Variants in SNX24 observed in about 807,000 individuals in gnomAD.
SNX24 encodes the protein sorting nexin 24.
A neutral mutation model predicts 28.7 loss-of-function variants in SNX24; 22 were observed. The observed-to-expected ratio is 0.77, with a 90% CI of 0.55 to 1.10. SNX24 has a LOEUF of 1.10. SNX24 is among the 50% of genes least tolerant of loss of function. The pLI is 0.00. For missense variants in SNX24, 221 were observed against 201.1 expected (o/e 1.10, Z -0.60); for synonymous variants, 69 against 71.5 (o/e 0.96, Z 0.18).
intron 6 of SNX24, chr5:123,002,276 A>G: frequency 2.0e-6 from 1 of 491,196 alleles, no homozygotes; most frequent in Non-Finnish European, 3.6e-6. Context: ...TTTTCTGATC[A>G]TGTCATTTTG....
chr5:123,023,758 A>G, intron 5 of SNX24: 1 of 1,400,358 alleles, frequency 7.1e-7, no homozygotes, highest in Non-Finnish European at 9.4e-7. Context: ...CTGGGATAGA[A>G]TACAAAAAGA....
intron 3 of SNX24, among the ~76,000 whole-genome samples, chr5:122,955,109 C>G (rs181532957): frequency 5.9e-5 from 9 of 151,336 alleles, no homozygotes; most frequent in Non-Finnish European, 1.2e-4. Flanking sequence ...TTCTATTGTT[C>G]TATCTCCCAG....
intron 3 of SNX24, among the ~76,000 whole-genome samples, chr5:122,974,372 A>T (rs531967949): frequency 6.6e-6 from 1 of 152,216 alleles, no homozygotes; most frequent in African/African-American, 2.4e-5. Flanking sequence ...TGGAAGGGAA[A>T]ATGGATCAAA....
At chr5:122,988,637 G>A (rs1761703133) in intron 3 of SNX24, among the ~76,000 whole-genome samples, 1 of 152,116 alleles carries the variant, frequency 6.6e-6, no homozygotes, top group South Asian at 2.1e-4. Flanking sequence ...CTTTTGTAAA[G>A]TAAGTTTAAC....
intron 3 of SNX24, among the ~76,000 whole-genome samples, chr5:122,977,649 C>G (rs1581823923): frequency 6.6e-6 from 1 of 152,168 alleles, no homozygotes; most frequent in South Asian, 2.1e-4. Flanking sequence ...CTGGTTGACT[C>G]AAAGCTACTG....
chr5:122,864,973 A>G (rs1755652486), intron 1 of SNX24, among the ~76,000 whole-genome samples: 1 of 152,260 alleles, frequency 6.6e-6, no homozygotes, highest in Non-Finnish European at 1.5e-5. Flanking sequence ...GCCTGCACTC[A>G]GGAATGAACA....
intron 1 of SNX24, among the ~76,000 whole-genome samples, chr5:122,890,446 A>G (rs1756919399): frequency 6.7e-6 from 1 of 149,312 alleles, no homozygotes; most frequent in South Asian, 2.1e-4. Flanking sequence ...CTTCTCTGTA[A>G]GGAAAAGATT....
chr5:122,958,567 T>C (rs1363431778), intron 3 of SNX24, among the ~76,000 whole-genome samples: 1 of 152,158 alleles, frequency 6.6e-6, no homozygotes, highest in Non-Finnish European at 1.5e-5. Flanking sequence ...CCAAGAGTTT[T>C]TTTTTCACAT....
chr5:123,016,419 A>C (rs1340567130), intron 5 of SNX24, among the ~76,000 whole-genome samples: 1 of 152,196 alleles, frequency 6.6e-6, no homozygotes, highest in Non-Finnish European at 1.5e-5. Context: ...TCCTGAAGGA[A>C]AGCCAGTGAG....
At chr5:122,927,473 C>T (rs1290810122) in intron 1 of SNX24, among the ~76,000 whole-genome samples, 1 of 152,134 alleles carries the variant, frequency 6.6e-6, no homozygotes, top group Non-Finnish European at 1.5e-5. Context: ...TTTGGGGACA[C>T]AATTCATTTA....
intron 3 of SNX24, among the ~76,000 whole-genome samples, chr5:122,952,640 A>G (rs1265350994): frequency 2.0e-5 from 3 of 152,236 alleles, no homozygotes; most frequent in South Asian, 2.1e-4. Context: ...AAAGACCAAG[A>G]TGAACTAAAA....
chr5:122,954,814 A>T (rs30073), intron 3 of SNX24, among the ~76,000 whole-genome samples: 116,924 of 151,940 alleles, frequency 0.77, 45,855 homozygotes, highest in East Asian at 0.99. Flanking sequence ...TCTTGTCTTT[A>T]GTTTTCAGAA....
intron 1 of SNX24, among the ~76,000 whole-genome samples, chr5:122,925,401 A>G (rs1758652108): frequency 1.3e-5 from 2 of 150,698 alleles, no homozygotes; most frequent in Non-Finnish European, 1.5e-5. Flanking sequence ...GCTGGATCTC[A>G]GGCACGTGCC....
intron 1 of SNX24, among the ~76,000 whole-genome samples, chr5:122,913,478 T>G (rs246299): frequency 0.77 from 116,485 of 151,488 alleles, 45,644 homozygotes; most frequent in East Asian, 0.98. Context: ...GGTGGCTGCC[T>G]GGCGTAGACG....
chr5:122,917,262 AAAAAAAAAGAAAG>A (rs1045096212), intron 1 of SNX24, among the ~76,000 whole-genome samples: 1 of 151,868 alleles, frequency 6.6e-6, no homozygotes, highest in African/African-American at 2.4e-5. Context: ...TCTCAAAAAA[AAAAAAAAAGAAAG>A]AAAAAAAAGA....
At chr5:122,982,533 A>T (rs1241147871) in intron 3 of SNX24, among the ~76,000 whole-genome samples, 3 of 152,256 alleles carry the variant, frequency 2.0e-5, no homozygotes, top group Non-Finnish European at 4.4e-5. Flanking sequence ...TCAACAAATT[A>T]GGAGAAAGAT....
At chr5:122,957,169 A>T (rs1219191193) in intron 3 of SNX24, among the ~76,000 whole-genome samples, 2 of 152,036 alleles carry the variant, frequency 1.3e-5, no homozygotes, top group Non-Finnish European at 2.9e-5. Context: ...TAGGCTCTGG[A>T]TCCATTTTGA....
intron 1 of SNX24, among the ~76,000 whole-genome samples, chr5:122,893,554 T>C (rs1475041294): frequency 6.6e-6 from 1 of 152,184 alleles, no homozygotes; most frequent in Non-Finnish European, 1.5e-5. Context: ...ATATGTAAAG[T>C]GTGAGCATAT....
At chr5:122,890,501 ACT>A (rs2150070064) in intron 1 of SNX24, among the ~76,000 whole-genome samples, 1 of 131,574 alleles carries the variant, frequency 7.6e-6, no homozygotes, top group East Asian at 2.2e-4. Context: ...ACGGAATCTC[ACT>A]CTGTGGCCCA....
Sources: gnomAD v4.1 joint callset for allele counts (sites outside exome capture counted in the v4.1 genomes callset) on GRCh38, gnomAD v4.1.1 for gene constraint, MANE v1.5 for transcripts, NCBI Gene and HGNC (gene_info 2026-07-23, HGNC 2026-07-21) for gene names.